Variants in SGK3 observed in about 807,000 individuals in gnomAD.
SGK3 encodes serum/glucocorticoid regulated kinase family member 3, also known as serine/threonine-protein kinase Sgk3.
Under a neutral mutation model 68.5 loss-of-function variants are expected in SGK3, and 47 were observed. That is an observed-to-expected ratio of 0.69 (90% CI 0.54 to 0.87). SGK3 has a LOEUF of 0.87. SGK3 is among the 40% of genes least tolerant of loss of function. The probability of loss-of-function intolerance (pLI) is 0.00; values close to 1 mark genes in which losing one functional copy is unlikely to be tolerated. For synonymous variants in SGK3, 181 were observed against 189.1 expected (o/e 0.96, Z 0.35); for missense variants, 479 against 575.5 (o/e 0.83, Z 1.72).
chr8:66,768,019 C>T (rs556788077), intron 1 of SGK3: 67 of 721,476 alleles, frequency 9.3e-5, no homozygotes, highest in Admixed American at 3.9e-4. Flanking sequence ...GGATTATTGC[C>T]GCTCTCAACC....
intron 16 of SGK3, 97 bp from the exon 17 acceptor site, chr8:66,859,314 G>T: frequency 7.6e-7 from 1 of 1,317,696 alleles, no homozygotes; most frequent in South Asian, 2.3e-5. Context: ...AGCCCAGGTG[G>T]CAGTGTGAGA....
At position 66,804,441 on chromosome 8, in the gene SGK3, G is replaced by T; in HGVS notation, c.247G>T (p.Asp83Tyr). The change falls in exon 4 of 17, where the codon GAT (aspartate) becomes TAT (tyrosine). Residue 83 changes from aspartate to tyrosine, a missense_variant. By Grantham distance (160) the Asp-to-Tyr change is radical. Transcript: ENST00000521198. ...CAAGAGAATATTTGGTGATAATTTT[G>T]ATCCAGGTAAGAAACAACTTCATAG... ...PAKRIFGDNFDPDFIKQRRAG... is the reference protein window; with the variant it reads ...PAKRIFGDNFYPDFIKQRRAG... 1 of 1,612,398 alleles carries T rather than the reference G, an allele frequency of 6.2e-7. No individual in the cohort carries two copies. The highest frequency in any genetic ancestry group is 1.1e-5 in the South Asian group (1 of 90,756).
chr8:66,719,850 G>A (rs896716844), intron 1 of SGK3, among the ~76,000 whole-genome samples: 4 of 152,208 alleles, frequency 2.6e-5, no homozygotes, highest in South Asian at 4.2e-4. Context: ...TAAATCTATC[G>A]CTCATTGGCA....
intron 1 of SGK3, among the ~76,000 whole-genome samples, chr8:66,760,977 A>G (rs914237159): frequency 6.6e-6 from 1 of 151,006 alleles, no homozygotes; most frequent in Non-Finnish European, 1.5e-5. Flanking sequence ...AGATCTCACC[A>G]TTGCACTCCA....
At chr8:66,782,912 G>A (rs1438408062) in intron 1 of SGK3, among the ~76,000 whole-genome samples, 1 of 152,154 alleles carries the variant, frequency 6.6e-6, no homozygotes, top group African/African-American at 2.4e-5. Flanking sequence ...CCAAGTTTTG[G>A]CAATTATGAA....
chr8:66,751,006 CAA>C (rs1247209602), intron 1 of SGK3, among the ~76,000 whole-genome samples: 1 of 132,108 alleles, frequency 7.6e-6, no homozygotes. Flanking sequence ...GATCCTGTCT[CAA>C]AAAAAAAAAG....
intron 1 of SGK3, among the ~76,000 whole-genome samples, chr8:66,776,179 C>G (rs1806704083): frequency 6.6e-6 from 1 of 152,300 alleles, no homozygotes; most frequent in South Asian, 2.1e-4. Context: ...AAGAAAAGGT[C>G]TCTTACTTTT....
At chr8:66,800,160 T>A (rs1807870089) in intron 3 of SGK3, among the ~76,000 whole-genome samples, 1 of 151,592 alleles carries the variant, frequency 6.6e-6, no homozygotes, top group African/African-American at 2.4e-5. Context: ...GCTAACATGG[T>A]GAAACCCCGT....
At chr8:66,852,324 C>T (rs2130751668) in intron 16 of SGK3, among the ~76,000 whole-genome samples, 1 of 144,606 alleles carries the variant, frequency 6.9e-6, no homozygotes, top group East Asian at 2.2e-4. Context: ...GCTCTGTCGC[C>T]AGTCTGGAGT....
chr8:66,819,532 CA>C (rs1460651816), intron 5 of SGK3, among the ~76,000 whole-genome samples: 3 of 152,150 alleles, frequency 2.0e-5, no homozygotes, highest in Non-Finnish European at 4.4e-5. Flanking sequence ...ATGTATCTAT[CA>C]AAAGTGATTG....
intron 6 of SGK3, among the ~76,000 whole-genome samples, chr8:66,823,407 A>G (rs1040789716): frequency 9.1e-6 from 1 of 109,906 alleles, no homozygotes; most frequent in African/African-American, 3.6e-5. Context: ...TTTTTTTGTT[A>G]ATTTTTTTTG....
chr8:66,751,617 CAA>C (rs1444202327), intron 1 of SGK3, among the ~76,000 whole-genome samples: 1 of 151,734 alleles, frequency 6.6e-6, no homozygotes, highest in Non-Finnish European at 1.5e-5. Context: ...TTATTTAAAA[CAA>C]TACATGGATT....
At chr8:66,792,321 C>T (rs1807495413) in intron 1 of SGK3, among the ~76,000 whole-genome samples, 3 of 141,380 alleles carry the variant, frequency 2.1e-5, no homozygotes, top group African/African-American at 8.0e-5. Flanking sequence ...AAGAGCAAAA[C>T]TCCATCTCAA....
At chr8:66,735,577 TTC>T (rs1435260688) in intron 1 of SGK3, among the ~76,000 whole-genome samples, 2 of 152,172 alleles carry the variant, frequency 1.3e-5, no homozygotes, top group Non-Finnish European at 2.9e-5. Flanking sequence ...CCCTAAGCCT[TTC>T]TAGGACCTAC....
Position 66,859,645 on chromosome 8 carries a change from T to A in SGK3, c.*64T>A. ...TATAGATGGGACTGAAACTTCTATTTGTGTGAATATATTCAAATATGTATA... is the reference window on the plus strand; with the variant it reads ...TATAGATGGGACTGAAACTTCTATTAGTGTGAATATATTCAAATATGTATA... On this transcript the variant is annotated 3_prime_UTR_variant, in exon 17 of 17. Transcript: ENST00000521198. 6.8e-7 allele frequency: 1 copy of A among 1,476,348 alleles called. No individual in the cohort carries two copies. The highest frequency in any genetic ancestry group is 9.1e-7 in the Non-Finnish European group (1 of 1,098,822). 91.5% of individuals were successfully genotyped at this position (1,476,348 alleles called of 1,614,324 possible).
At chr8:66,780,921 C>G (rs1263425652) in intron 1 of SGK3, among the ~76,000 whole-genome samples, 2 of 152,112 alleles carry the variant, frequency 1.3e-5, no homozygotes, top group East Asian at 3.8e-4. Context: ...TGGAGGTTCT[C>G]CCAAGAGACT....
chr8:66,827,088 T>G (rs1410845484), intron 6 of SGK3, among the ~76,000 whole-genome samples: 2 of 151,948 alleles, frequency 1.3e-5, no homozygotes, highest in Non-Finnish European at 2.9e-5. Flanking sequence ...TTTGATAAGA[T>G]AAAATTTTCT....
intron 14 of SGK3, among the ~76,000 whole-genome samples, chr8:66,845,789 C>T (rs1809987944): frequency 6.6e-6 from 1 of 151,726 alleles, no homozygotes; most frequent in Non-Finnish European, 1.5e-5. Flanking sequence ...AACTCCTGAG[C>T]TCTAGTGATC....
chr8:66,778,990 A>T (rs1438146741), intron 1 of SGK3, among the ~76,000 whole-genome samples: 3 of 152,180 alleles, frequency 2.0e-5, no homozygotes, highest in East Asian at 3.8e-4. Context: ...CTTTGTTTCT[A>T]TACTGGATAG....
Sources: gnomAD v4.1 joint callset for allele counts (sites outside exome capture counted in the v4.1 genomes callset) on GRCh38, gnomAD v4.1.1 for gene constraint, MANE v1.5 for transcripts, NCBI Gene and HGNC (gene_info 2026-07-23, HGNC 2026-07-21) for gene names.